FMO5: variants seen among roughly 807,000 people sequenced by gnomAD.
FMO5 encodes the protein flavin containing dimethylaniline monoxygenase 5.
A neutral mutation model predicts 43.6 loss-of-function variants in FMO5; 51 were observed. The observed-to-expected ratio is 1.17, with a 90% CI of 0.93 to 1.48. FMO5 has a LOEUF of 1.48. Among genes scored for constraint, FMO5 ranks in the 40% most tolerant of loss-of-function variants. The pLI is 0.00. For missense variants in FMO5, 644 were observed against 643.0 expected (o/e 1.00, Z -0.02); for synonymous variants, 187 against 216.5 (o/e 0.86, Z 1.20).
chr1:147,223,978 A>C (rs1212155061), intron 2 of FMO5: 1 of 409,400 alleles, frequency 2.4e-6, no homozygotes, highest in Non-Finnish European at 4.8e-6. Context: ...GGGTTAACAC[A>C]ATCACCACCT....
At chr1:147,187,544 C>A (rs1313542888) in intron 8 of FMO5, among the ~76,000 whole-genome samples, 1 of 152,018 alleles carries the variant, frequency 6.6e-6, no homozygotes, top group Non-Finnish European at 1.5e-5. Context: ...GTGAAAGATA[C>A]AGATAAGATG....
At chr1:147,185,364 AG>A (rs1392817360), downstream of FMO5, among the ~76,000 whole-genome samples, 4 of 152,196 alleles carry the variant, frequency 2.6e-5, no homozygotes, top group Non-Finnish European at 5.9e-5. Context: ...AGAAATTAAA[AG>A]GAAGCAAGAG....
At chr1:147,189,980 TTC>T (rs1460505905) in intron 8 of FMO5, among the ~76,000 whole-genome samples, 195 bp downstream of exon 8, 5 of 152,188 alleles carry the variant, frequency 3.3e-5, no homozygotes, top group Non-Finnish European at 5.9e-5. Flanking sequence ...CCTAAAACTT[TTC>T]TCTCTTTTCT....
chr1:147,187,467 C>G (rs1655827022), intron 8 of FMO5, among the ~76,000 whole-genome samples: 1 of 152,136 alleles, frequency 6.6e-6, no homozygotes, highest in Non-Finnish European at 1.5e-5. Context: ...TGGTTTCAGA[C>G]TGCCAAATAG....
chr1:147,209,980 A>C (rs1308137721), intron 5 of FMO5: 4 of 152,222 alleles, frequency 2.6e-5, no homozygotes, highest in African/African-American at 9.6e-5. Flanking sequence ...AGGATAGGAG[A>C]TAAAGCCTAC....
intron 6 of FMO5, among the ~76,000 whole-genome samples, chr1:147,206,360 G>A (rs1235173725): frequency 6.6e-6 from 1 of 152,070 alleles, no homozygotes; most frequent in Admixed American, 6.6e-5. Context: ...ACAGTGTGGC[G>A]ATTCCTCAAA....
chr1:147,225,096 C>T, intron 1 of FMO5, 30 bp from the exon 2 acceptor site: 1 of 1,609,488 alleles, frequency 6.2e-7, no homozygotes, highest in Non-Finnish European at 8.5e-7. Flanking sequence ...AGACAAAAAG[C>T]ACACATCGGT....
chr1:147,214,270 G>A lies in FMO5; in HGVS notation c.325-800C>T, dbSNP rs587593714. On this transcript the variant is annotated intron_variant, in intron 3 of 8. Transcript: ENST00000254090. ...AGTTCAAAACTCACCTGGCCAACAT[G>A]GCGAAACCCCGTCTCTACTACAAAT... Among the ~76,000 whole-genome samples the A allele has an allele frequency of 5.3e-5, 8 of 152,026 alleles. No homozygotes were observed. The East Asian group carries it at 1.6e-3, about 30-fold the overall frequency.
At chr1:147,222,410 T>C (rs1202128960) in intron 2 of FMO5, among the ~76,000 whole-genome samples, 2 of 151,866 alleles carry the variant, frequency 1.3e-5, no homozygotes, top group African/African-American at 2.4e-5. Flanking sequence ...GTTGGGGAAA[T>C]TGGAACTGAT....
At position 147,215,897 on chromosome 1, in the gene FMO5, T is replaced by A. The variant is rs781864791; in HGVS notation, c.181A>T (p.Ile61Phe). 1.2e-6 allele frequency: 2 copies of A among 1,613,316 alleles called. No individual in the cohort carries two copies. The highest frequency in any genetic ancestry group is 1.7e-6 in the Non-Finnish European group (2 of 1,179,680). The change falls in exon 3 of 9, where the codon ATC becomes TTC. Residue 61 changes from isoleucine to phenylalanine, a missense_variant. Physicochemically the swap from Ile to Phe is conservative, Grantham distance 21. Coordinates refer to ENST00000254090, the MANE Select transcript of FMO5 (RefSeq NM_001461.4). ...CACATCATCTCTTTAGAAGTATTGATGATCACTGATTTGTAAATACTGGCC... is the reference window on the plus strand; with the variant it reads ...CACATCATCTCTTTAGAAGTATTGAAGATCACTGATTTGTAAATACTGGCC... ...GRASIYKSVIINTSKEMMCFS... is the reference protein window; with the variant it reads ...GRASIYKSVIFNTSKEMMCFS...
Position 147,186,787 on chromosome 1 carries a change from G to A in FMO5, c.*113C>T. 2 of 1,491,946 alleles carry A rather than the reference G, an allele frequency of 1.3e-6. No homozygotes were observed. The highest frequency in any genetic ancestry group is 1.8e-6 in the Non-Finnish European group (2 of 1,127,554). 92.4% of individuals were successfully genotyped at this position (1,491,946 alleles called of 1,614,324 possible). On this transcript the variant is annotated 3_prime_UTR_variant, in exon 9 of 9. Transcript: ENST00000254090. ...AAAGTGAATTAATGCTTTCGAAAGAGACATTAAAGTAGATTTCTGGGCAAT... is the reference window on the plus strand; with the variant it reads ...AAAGTGAATTAATGCTTTCGAAAGAAACATTAAAGTAGATTTCTGGGCAAT...
At chr1:147,202,874 G>A (rs1659280053) in intron 6 of FMO5, among the ~76,000 whole-genome samples, 1 of 151,904 alleles carries the variant, frequency 6.6e-6, no homozygotes, top group African/African-American at 2.4e-5. Flanking sequence ...TATATATCTG[G>A]TCACCAAGCC....
intron 7 of FMO5, among the ~76,000 whole-genome samples, chr1:147,198,903 G>A (rs1658504674): frequency 6.8e-6 from 1 of 146,688 alleles, no homozygotes; most frequent in Admixed American, 6.8e-5. Flanking sequence ...GAAATTGGAG[G>A]TTGTATCCAA....
chr1:147,212,579 A>G lies in FMO5; in HGVS notation c.488-44T>C, dbSNP rs782694403. ...TAATTATTGGGTAATGGTTTACATG[A>G]TAGATATCATTTGTCAAGTCATTTG... On this transcript the variant is annotated intron_variant, in intron 4 of 8. Coordinates refer to ENST00000254090, the MANE Select transcript of FMO5 (RefSeq NM_001461.4). 1.9e-6 allele frequency: 3 copies of G among 1,555,200 alleles called. No homozygotes were observed. In the Admixed American group the frequency reaches 5.5e-5, roughly 29 times the overall value.
chr1:147,203,239 T>TA (rs1659364946), intron 6 of FMO5: 1 of 1,121,810 alleles, frequency 8.9e-7, no homozygotes, highest in African/African-American at 1.6e-5. Flanking sequence ...CTACTACAAA[T>TA]ACAGCCTTCA....
chr1:147,208,028 C>G (rs1274697063), intron 6 of FMO5, among the ~76,000 whole-genome samples: 3 of 152,106 alleles, frequency 2.0e-5, no homozygotes, highest in Non-Finnish European at 2.9e-5. Flanking sequence ...TTGCATAGAC[C>G]TCCTCACTGT....
intron 7 of FMO5, among the ~76,000 whole-genome samples, chr1:147,195,128 G>A (rs1034114346): frequency 1.4e-4 from 21 of 152,146 alleles, no homozygotes; most frequent in African/African-American, 4.1e-4. Context: ...CATTCTCCCC[G>A]TCACTTTCAG....
intron 7 of FMO5, among the ~76,000 whole-genome samples, chr1:147,192,399 A>T (rs1657046594): frequency 6.6e-6 from 1 of 152,144 alleles, no homozygotes; most frequent in African/African-American, 2.4e-5. Context: ...CATCAGCTTA[A>T]GGAGATTTTG....
intron 7 of FMO5, among the ~76,000 whole-genome samples, chr1:147,190,485 A>G (rs1427932388): frequency 6.6e-6 from 1 of 152,098 alleles, no homozygotes; most frequent in African/African-American, 2.4e-5. Flanking sequence ...TCTGACTTCC[A>G]ACCAATACCT....
Sources: allele counts gnomAD v4.1 joint callset (sites outside exome capture counted in the v4.1 genomes callset), GRCh38; gene constraint gnomAD v4.1.1; transcripts MANE v1.5; gene names NCBI Gene and HGNC (gene_info 2026-07-23, HGNC 2026-07-21).